The following FYB1 variants were observed in gnomAD, a reference collection of about 807,000 sequenced individuals.
FYB1 encodes FYN-binding protein 1.
Under a neutral mutation model 94.1 loss-of-function variants are expected in FYB1, and 41 were observed. That is an observed-to-expected ratio of 0.44 (90% CI 0.34 to 0.57). FYB1 has a LOEUF of 0.57. Among genes scored for constraint, FYB1 ranks in the 20% least tolerant of loss-of-function variants. The pLI is 0.02. For missense variants in FYB1, 1,050 were observed against 976.8 expected, an observed-to-expected ratio of 1.07 and a Z score of -1.00; for synonymous variants, 367 against 353.2, an observed-to-expected ratio of 1.04 and a Z score of -0.44.
At chr5:39,123,650 T>C (rs1740342984) in intron 13 of FYB1, among the ~76,000 whole-genome samples, 1 of 152,156 alleles carries the variant, frequency 6.6e-6, no homozygotes, top group South Asian at 2.1e-4. Context: ...TGGTTTGCTC[T>C]TTTAATATAC....
chr5:39,134,482 A>G (rs1408638344), intron 8 of FYB1, 133 bp from the exon 9 acceptor site: 2 of 829,710 alleles, frequency 2.4e-6, no homozygotes, highest in Non-Finnish European at 3.6e-6. Context: ...TGATTTGTAG[A>G]CCTCCCAAGT....
chr5:39,114,595 G>T (rs895329667), intron 16 of FYB1, among the ~76,000 whole-genome samples: 10 of 152,166 alleles, frequency 6.6e-5, no homozygotes, highest in Non-Finnish European at 1.2e-4. Context: ...TGTAATCAAA[G>T]ATGCAGAAAT....
chr5:39,197,597 G>A (rs1269342309), intron 2 of FYB1, among the ~76,000 whole-genome samples: 1 of 152,230 alleles, frequency 6.6e-6, no homozygotes, highest in Non-Finnish European at 1.5e-5. Context: ...CAGGTAATGG[G>A]GAAAGCAAAT....
At chr5:39,148,430 A>G (rs1742966163) in intron 3 of FYB1, among the ~76,000 whole-genome samples, 1 of 112,280 alleles carries the variant, frequency 8.9e-6, no homozygotes, top group Non-Finnish European at 1.7e-5. Flanking sequence ...AAGAAGGAGG[A>G]AGAAATCTAC....
intron 1 of FYB1, among the ~76,000 whole-genome samples, chr5:39,240,132 T>C (rs917302305): frequency 1.3e-5 from 2 of 152,148 alleles, no homozygotes; most frequent in Admixed American, 1.3e-4. Context: ...TGCAGAAGAT[T>C]GAAGCTGAAC....
chr5:39,266,852 C>G (rs150130997), intron 1 of FYB1, among the ~76,000 whole-genome samples: 1 of 152,298 alleles, frequency 6.6e-6, no homozygotes, highest in African/African-American at 2.4e-5. Context: ...ATCCTCAAGC[C>G]TACCAGACAT....
chr5:39,136,592 A>G (rs1357994395), intron 7 of FYB1, among the ~76,000 whole-genome samples: 2 of 152,144 alleles, frequency 1.3e-5, no homozygotes, highest in Non-Finnish European at 2.9e-5. Flanking sequence ...GAGTAGTATC[A>G]TTTATCCTTA....
intron 2 of FYB1, among the ~76,000 whole-genome samples, chr5:39,172,236 A>G (rs959051636): frequency 6.6e-6 from 1 of 152,144 alleles, no homozygotes; most frequent in South Asian, 2.1e-4. Flanking sequence ...ACTTGAGCTC[A>G]GGAGTTTGAG....
intron 2 of FYB1, among the ~76,000 whole-genome samples, chr5:39,166,164 C>A (rs1469578047): frequency 2.0e-5 from 3 of 152,142 alleles, no homozygotes; most frequent in Non-Finnish European, 4.4e-5. Context: ...CGGCCAGGAG[C>A]AGTGGCTCAT....
chr5:39,246,961 A>G (rs1407337137), intron 1 of FYB1, among the ~76,000 whole-genome samples: 1 of 151,512 alleles, frequency 6.6e-6, no homozygotes, highest in African/African-American at 2.4e-5. Context: ...TTGTGCCTCA[A>G]TTATGTCATC....
intron 9 of FYB1, among the ~76,000 whole-genome samples, 192 bp from the exon 10 acceptor site, chr5:39,130,804 A>C (rs1030648812): frequency 2.0e-5 from 3 of 152,142 alleles, no homozygotes; most frequent in African/African-American, 7.2e-5. Context: ...ACAAAACAAA[A>C]CAAATAAAAA....
chr5:39,233,682 G>C (rs963297905), intron 1 of FYB1, among the ~76,000 whole-genome samples: 2 of 152,066 alleles, frequency 1.3e-5, no homozygotes, highest in African/African-American at 4.8e-5. Flanking sequence ...TTAATGCCTG[G>C]CATAATAGAA....
At chr5:39,264,676 C>G (rs1420120198) in intron 1 of FYB1, among the ~76,000 whole-genome samples, 2 of 152,146 alleles carry the variant, frequency 1.3e-5, no homozygotes, top group Non-Finnish European at 2.9e-5. Flanking sequence ...CTCATTCTCA[C>G]TTTTTGGTGT....
At chr5:39,252,620 A>G (rs984242706) in intron 1 of FYB1, among the ~76,000 whole-genome samples, 1 of 152,242 alleles carries the variant, frequency 6.6e-6, no homozygotes, top group Admixed American at 6.5e-5. Flanking sequence ...CAACCTAGTA[A>G]CACACATACA....
At chr5:39,120,132 A>T (rs375953039) in intron 14 of FYB1, among the ~76,000 whole-genome samples, 2 of 152,016 alleles carry the variant, frequency 1.3e-5, no homozygotes, top group African/African-American at 4.8e-5. Context: ...TAATAAAAAA[A>T]CTTAAGTAAA....
rs182667573 is a variant in FYB1 at position 39,267,285 on chromosome 5, C to T, written c.-28+7118G>A. Among the ~76,000 whole-genome samples, 9 of 152,056 alleles carry T rather than the reference C, an allele frequency of 5.9e-5. 1 individual carries two copies. The South Asian group carries it at 1.0e-3, about 17-fold the overall frequency. ...AGGAATCCAACATCCATCCAGTGCC[C>T]GGCATGTGCCTGTATTATCACAGGG... On this transcript the variant is annotated intron_variant, in intron 1 of 1. Transcript: ENST00000510188.
intron 1 of FYB1, among the ~76,000 whole-genome samples, chr5:39,217,137 C>T (rs2150544065): frequency 6.6e-6 from 1 of 152,302 alleles, no homozygotes; most frequent in Non-Finnish European, 1.5e-5. Context: ...ACAATCACTT[C>T]TTATCAGTCA....
intron 1 of FYB1, among the ~76,000 whole-genome samples, chr5:39,239,953 C>T (rs1454283169): frequency 1.3e-5 from 2 of 151,946 alleles, no homozygotes; most frequent in African/African-American, 4.8e-5. Context: ...GTACTTTCTG[C>T]CTTTGAGTCT....
At chr5:39,211,065 T>C (rs1561272993) in intron 1 of FYB1, 1 of 152,208 alleles carries the variant, frequency 6.6e-6, no homozygotes, top group Admixed American at 6.5e-5. Context: ...TACATTTGTT[T>C]AGGATAATTC....
Sources: allele counts gnomAD v4.1 joint callset (sites outside exome capture counted in the v4.1 genomes callset), GRCh38; gene constraint gnomAD v4.1.1; transcripts MANE v1.5; gene names NCBI Gene and HGNC (gene_info 2026-07-23, HGNC 2026-07-21).